The following PTPN22 variants were observed in gnomAD, a reference collection of about 807,000 sequenced individuals.
PTPN22 encodes protein tyrosine phosphatase non-receptor type 22.
In PTPN22, 85 loss-of-function variants were observed where a neutral mutation model predicts 103.3. The ratio of observed to expected loss-of-function variants is 0.82; its 90% CI spans 0.69 to 0.99. The LOEUF is 0.99. Among genes scored for constraint, PTPN22 ranks in the 50% least tolerant of loss-of-function variants. PTPN22 has a pLI of 0.00. For missense variants in PTPN22, 865 were observed against 936.9 expected (o/e 0.92, Z 1.00); for synonymous variants, 323 against 310.2 (o/e 1.04, Z -0.43).
At chr1:113,846,007 A>G (rs1200078257) in intron 11 of PTPN22, among the ~76,000 whole-genome samples, 1 of 152,092 alleles carries the variant, frequency 6.6e-6, no homozygotes, top group Non-Finnish European at 1.5e-5. Flanking sequence ...TAGCCCTCTT[A>G]TATATTTGAA....
intron 11 of PTPN22, 70 bp from the exon 12 acceptor site, chr1:113,838,690 A>C (rs1663247165): frequency 6.5e-7 from 1 of 1,532,656 alleles, no homozygotes; most frequent in African/African-American, 1.4e-5. Context: ...AATATTTAGA[A>C]GGCTGAAAAG....
At chr1:113,868,972 C>T (rs917788177) in intron 1 of PTPN22, among the ~76,000 whole-genome samples, 6 of 152,080 alleles carry the variant, frequency 3.9e-5, no homozygotes, top group Non-Finnish European at 8.8e-5. Context: ...GCCTATAATC[C>T]TAGTACTTTG....
chr1:113,830,083 A>C, intron 16 of PTPN22, 54 bp from the exon 17 acceptor site: 1 of 1,234,962 alleles, frequency 8.1e-7, no homozygotes, highest in South Asian at 1.3e-5. Context: ...TAAAAGTCAT[A>C]AGTCAACACC....
At chr1:113,858,062 A>G (rs1665229226) in intron 4 of PTPN22, 1 of 218,730 alleles carries the variant, frequency 4.6e-6, no homozygotes, top group Admixed American at 5.7e-5. Flanking sequence ...ATTTTTTAAA[A>G]CTTATTTATT....
chr1:113,865,419 G>C (rs545507816), intron 1 of PTPN22, among the ~76,000 whole-genome samples: 2 of 60,580 alleles, frequency 3.3e-5, no homozygotes, highest in African/African-American at 2.4e-4. Flanking sequence ...CCATTTCATG[G>C]GTAAAAATGA....
chr1:113,867,994 A>G (rs1025330023), intron 1 of PTPN22, among the ~76,000 whole-genome samples: 1 of 152,238 alleles, frequency 6.6e-6, no homozygotes, highest in African/African-American at 2.4e-5. Flanking sequence ...ATTTTAAATC[A>G]TCTCTACATT....
At chr1:113,836,853 G>A (rs562486918) in intron 13 of PTPN22, among the ~76,000 whole-genome samples, 111 of 152,168 alleles carry the variant, frequency 7.3e-4, no homozygotes, top group African/African-American at 2.5e-3. Flanking sequence ...TTGAGCCCAG[G>A]ACATCAAGGC....
chr1:113,824,024 G>A (rs1661832400), intron 19 of PTPN22, among the ~76,000 whole-genome samples: 1 of 151,898 alleles, frequency 6.6e-6, no homozygotes, highest in African/African-American at 2.4e-5. Flanking sequence ...TCTCCCTATA[G>A]TACCAGTTTA....
chr1:113,822,094 C>A (rs535348153), intron 19 of PTPN22, among the ~76,000 whole-genome samples: 14 of 152,250 alleles, frequency 9.2e-5, no homozygotes, highest in Admixed American at 3.3e-4. Context: ...GTGAGACTAA[C>A]CTGAGAGACA....
At chr1:113,848,487 A>C in intron 11 of PTPN22, 53 bp downstream of exon 11, 1 of 1,606,792 alleles carries the variant, frequency 6.2e-7, no homozygotes, top group Non-Finnish European at 8.5e-7. Flanking sequence ...ACATCCCTTG[A>C]CCAAAAGCAA....
At chr1:113,841,116 C>T (rs1663505147) in intron 11 of PTPN22, among the ~76,000 whole-genome samples, 1 of 151,940 alleles carries the variant, frequency 6.6e-6, no homozygotes, top group African/African-American at 2.4e-5. Flanking sequence ...CCCAGCTACT[C>T]AAGAGGCTGA....
chr1:113,864,481 T>A (rs1298603742), intron 1 of PTPN22: 1 of 297,356 alleles, frequency 3.4e-6, no homozygotes, highest in Non-Finnish European at 6.6e-6. Context: ...GAATTATTAG[T>A]CGGGCATGGT....
chr1:113,830,781 G>A (rs1226704899), intron 16 of PTPN22, among the ~76,000 whole-genome samples: 3 of 152,124 alleles, frequency 2.0e-5, no homozygotes, highest in Admixed American at 2.0e-4. Flanking sequence ...GATACAGATG[G>A]TATTCTACTG....
At chr1:113,865,361 G>T (rs1666034087) in intron 1 of PTPN22, among the ~76,000 whole-genome samples, 1 of 152,026 alleles carries the variant, frequency 6.6e-6, no homozygotes, top group Non-Finnish European at 1.5e-5. Context: ...AAGTACAGAG[G>T]TTAAGAGGCT....
At chr1:113,838,662 A>G in intron 11 of PTPN22, 42 bp from the exon 12 acceptor site, 1 of 1,591,858 alleles carries the variant, frequency 6.3e-7, no homozygotes. Flanking sequence ...CAGTGAAGCA[A>G]TGTCAATAAG....
At chr1:113,825,259 G>T (rs774090201) in intron 18 of PTPN22, 87 bp from the exon 19 acceptor site, 2 of 876,560 alleles carry the variant, frequency 2.3e-6, no homozygotes, top group East Asian at 2.9e-5. Flanking sequence ...TAAGTGAAAA[G>T]AATTTAATTT....
At chr1:113,832,759 G>A (rs901299608) in intron 16 of PTPN22, among the ~76,000 whole-genome samples, 1 of 152,160 alleles carries the variant, frequency 6.6e-6, no homozygotes, top group African/African-American at 2.4e-5. Context: ...GTACTGGAGA[G>A]GCAACAGCAA....
At chr1:113,827,870 C>T (rs1396943626) in intron 18 of PTPN22, among the ~76,000 whole-genome samples, 1 of 152,156 alleles carries the variant, frequency 6.6e-6, no homozygotes, top group Non-Finnish European at 1.5e-5. Context: ...TTCTCACCAA[C>T]AACATTGAGT....
intron 1 of PTPN22, among the ~76,000 whole-genome samples, chr1:113,866,706 T>C (rs1482056624): frequency 6.6e-6 from 1 of 152,148 alleles, no homozygotes; most frequent in Non-Finnish European, 1.5e-5. Flanking sequence ...AAAATTTACA[T>C]AAATGGACAA....
Sources: gnomAD v4.1 joint callset for allele counts (sites outside exome capture counted in the v4.1 genomes callset) on GRCh38, gnomAD v4.1.1 for gene constraint, MANE v1.5 for transcripts, NCBI Gene and HGNC (gene_info 2026-07-23, HGNC 2026-07-21) for gene names.